TTC29: variants seen among roughly 807,000 people sequenced by gnomAD.
The protein encoded by TTC29 is tetratricopeptide repeat domain 29.
In TTC29, 49 loss-of-function variants were observed where a neutral mutation model predicts 58.1. The observed-to-expected ratio is 0.84, with a 90% confidence interval of 0.67 to 1.07. The LOEUF (loss-of-function observed/expected upper bound fraction) is 1.07. Among genes scored for constraint, TTC29 ranks in the 50% least tolerant of loss-of-function variants. TTC29 has a pLI of 0.00. For synonymous variants in TTC29, 209 were observed against 196.8 expected (o/e 1.06, Z -0.52); for missense variants, 582 against 555.6 (o/e 1.05, Z -0.48).
chr4:146,828,812 C>T (rs1361884847), intron 9 of TTC29, among the ~76,000 whole-genome samples: 1 of 152,126 alleles, frequency 6.6e-6, no homozygotes, highest in Non-Finnish European at 1.5e-5. Context: ...TATTGTAAGT[C>T]ATTTGCTTTA....
intron 8 of TTC29, among the ~76,000 whole-genome samples, chr4:146,840,322 C>G (rs1344840064): frequency 6.6e-6 from 1 of 152,012 alleles, no homozygotes; most frequent in Admixed American, 6.6e-5. Context: ...AGAACTGCAG[C>G]TATTTCCATT....
chr4:146,857,608 T>C (rs576302774), intron 8 of TTC29, among the ~76,000 whole-genome samples: 27 of 152,120 alleles, frequency 1.8e-4, no homozygotes, highest in Non-Finnish European at 3.1e-4. Context: ...TTATATATTA[T>C]GATAACCAGC....
At chr4:146,835,621 C>A (rs1728459232) in intron 8 of TTC29, among the ~76,000 whole-genome samples, 3 of 151,936 alleles carry the variant, frequency 2.0e-5, no homozygotes, top group Admixed American at 1.3e-4. Context: ...TGCCTGTAAC[C>A]CTCAAGGCAT....
chr4:146,807,635 A>G (rs1487770403), intron 10 of TTC29, among the ~76,000 whole-genome samples: 1 of 152,030 alleles, frequency 6.6e-6, no homozygotes, highest in African/African-American at 2.4e-5. Context: ...ACTAGAAAAT[A>G]TAGAAGAAAT....
chr4:146,861,783 GA>G lies in TTC29; in HGVS notation c.885+5714del, dbSNP rs57991014. Among the ~76,000 whole-genome samples the G allele has an allele frequency of 3.5e-3, 516 of 146,176 alleles. 2 individuals are homozygous for G. Among genetic ancestry groups the G allele is most frequent in the African/African-American group, 9.5e-3 (378 of 39,980 alleles). On this transcript the variant is annotated intron_variant, in intron 8 of 12. Transcript: ENST00000325106. ...CACTTGTGTTTATCCAAGTTTCTTT[GA>G]AAAAAAAAAGTAAAAATATTTAGAT...
intron 4 of TTC29, 32 bp downstream of exon 4, chr4:146,937,562 T>C: frequency 7.6e-7 from 1 of 1,317,106 alleles, no homozygotes; most frequent in East Asian, 2.6e-5. Flanking sequence ...AAACAAACTT[T>C]ATATTAAAGT....
intron 4 of TTC29, among the ~76,000 whole-genome samples, chr4:146,929,921 G>C (rs2150316255): frequency 6.6e-6 from 1 of 151,634 alleles, no homozygotes; most frequent in South Asian, 2.1e-4. Flanking sequence ...TATATTGAAA[G>C]ATTTTTATAT....
rs901914626 is a variant in TTC29, at chr4:146,761,961, A to AAAAAAC, written c.1330+41490_1330+41495dup. ...AAAATGTTGCCTGTTAGCAGATTTA[A>AAAAAAC]AAAAACAAAAACAAAAACAAAAACC... On this transcript the variant is annotated intron_variant, in intron 11 of 12. Coordinates refer to ENST00000325106, the MANE Select transcript of TTC29 (RefSeq NM_031956.4). Among the ~76,000 whole-genome samples, 10 of 152,046 alleles carry AAAAAAC rather than the reference A, an allele frequency of 6.6e-5. No individual in the cohort carries two copies. In the East Asian group the frequency reaches 1.7e-3, roughly 26 times the overall value.
At chr4:146,848,044 C>T (rs1729289146) in intron 8 of TTC29, among the ~76,000 whole-genome samples, 1 of 152,250 alleles carries the variant, frequency 6.6e-6, no homozygotes, top group East Asian at 1.9e-4. Flanking sequence ...ACAACTTTAA[C>T]AATATTTTCA....
intron 9 of TTC29, chr4:146,831,681 C>T (rs1460011394): frequency 2.3e-6 from 1 of 437,534 alleles, no homozygotes; most frequent in Non-Finnish European, 4.6e-6. Flanking sequence ...TTCAACTCTT[C>T]ACTTAGCCTT....
chr4:146,873,009 T>C (rs1731033524), intron 7 of TTC29, among the ~76,000 whole-genome samples: 1 of 152,120 alleles, frequency 6.6e-6, no homozygotes. Flanking sequence ...AACCATGCCA[T>C]AGAAGGCGAT....
chr4:146,832,659 G>GTGTGTGTGTGTGTT (rs1198463948), intron 9 of TTC29, among the ~76,000 whole-genome samples: 1 of 151,896 alleles, frequency 6.6e-6, no homozygotes, highest in Non-Finnish European at 1.5e-5. Context: ...GTGTGTGTGT[G>GTGTGTGTGTGTGTT]TGTGGTATTT....
At chr4:146,729,390 A>G (rs1744160410) in intron 11 of TTC29, among the ~76,000 whole-genome samples, 1 of 152,098 alleles carries the variant, frequency 6.6e-6, no homozygotes, top group Non-Finnish European at 1.5e-5. Context: ...TGATCTATGA[A>G]GGAGATAAAC....
At chr4:146,794,003 T>C (rs1371241177) in intron 11 of TTC29, among the ~76,000 whole-genome samples, 1 of 152,206 alleles carries the variant, frequency 6.6e-6, no homozygotes, top group African/African-American at 2.4e-5. Context: ...ATTAGTCATA[T>C]AATTGTGTGC....
intron 3 of TTC29, among the ~76,000 whole-genome samples, chr4:146,938,391 T>G (rs899749502): frequency 1.3e-5 from 2 of 152,134 alleles, no homozygotes; most frequent in Admixed American, 1.3e-4. Flanking sequence ...ATATTTTTCT[T>G]CAATAAAATG....
At chr4:146,900,131 G>T (rs1733042811) in intron 6 of TTC29, among the ~76,000 whole-genome samples, 1 of 152,098 alleles carries the variant, frequency 6.6e-6, no homozygotes, top group Non-Finnish European at 1.5e-5. Context: ...AAGCTTCACA[G>T]ATAATTTTCA....
rs533600554 is a variant in TTC29, at chr4:146,764,362, T to G, written c.1330+39095A>C. Reference sequence around the variant, plus strand: ...ACCTCAAGGGGCTACTCGAGAGAGATGCAGCCTTAACCCCTCTCATTGTGG... The same window carrying G: ...ACCTCAAGGGGCTACTCGAGAGAGAGGCAGCCTTAACCCCTCTCATTGTGG... On this transcript the variant is annotated intron_variant, in intron 11 of 12. Transcript: ENST00000325106. 2.6e-5 allele frequency among the ~76,000 whole-genome samples: 4 copies of G among 152,080 alleles called. No individual in the cohort carries two copies. In the South Asian group the frequency reaches 8.3e-4, roughly 32 times the overall value.
At chr4:146,764,845 T>C (rs1747172186) in intron 11 of TTC29, among the ~76,000 whole-genome samples, 1 of 152,130 alleles carries the variant, frequency 6.6e-6, no homozygotes, top group Admixed American at 6.6e-5. Flanking sequence ...GAGGTACCAC[T>C]AACGTTGGTG....
intron 11 of TTC29, among the ~76,000 whole-genome samples, chr4:146,802,398 A>AAC (rs1360247364): frequency 1.3e-5 from 2 of 152,214 alleles, no homozygotes; most frequent in Non-Finnish European, 2.9e-5. Flanking sequence ...AACACACTGA[A>AAC]ATTCAAGAAG....
Sources: gnomAD v4.1 joint callset for allele counts (sites outside exome capture counted in the v4.1 genomes callset) on GRCh38, gnomAD v4.1.1 for gene constraint, MANE v1.5 for transcripts, NCBI Gene and HGNC (gene_info 2026-07-23, HGNC 2026-07-21) for gene names.